The following FAM83B variants were observed in gnomAD, a reference collection of about 807,000 sequenced individuals.
The protein encoded by FAM83B is scaffolding CK1 anchoring protein B.
Under a neutral mutation model 38.8 loss-of-function variants are expected in FAM83B, and 26 were observed. The observed-to-expected ratio is 0.67, with a 90% CI of 0.49 to 0.93. FAM83B has a LOEUF of 0.93. Among genes scored for constraint, FAM83B ranks in the 40% least tolerant of loss-of-function variants. The probability of loss-of-function intolerance (pLI) is 0.00; values close to 1 mark genes in which losing one functional copy is unlikely to be tolerated. For missense variants in FAM83B, 1,237 were observed against 1,197.3 expected (o/e 1.03, Z -0.49); for synonymous variants, 419 against 423.1 (o/e 0.99, Z 0.12).
chr6:54,892,047 T>C (rs1772415070), intron 2 of FAM83B, among the ~76,000 whole-genome samples: 1 of 152,154 alleles, frequency 6.6e-6, no homozygotes, highest in Non-Finnish European at 1.5e-5. Context: ...CATTTGGTAA[T>C]TACTTGCAAC....
intron 4 of FAM83B, among the ~76,000 whole-genome samples, chr6:54,932,092 C>T (rs1407251399): frequency 1.4e-5 from 2 of 144,478 alleles, no homozygotes; most frequent in Non-Finnish European, 3.0e-5. Flanking sequence ...CTCATTGCAA[C>T]CTCCGCCTCC....
At chr6:54,852,159 T>C (rs1260581235) in intron 1 of FAM83B, among the ~76,000 whole-genome samples, 1 of 152,250 alleles carries the variant, frequency 6.6e-6, no homozygotes, top group African/African-American at 2.4e-5. Flanking sequence ...TCTGTACAAG[T>C]AAAATTAGAA....
At chr6:54,931,483 A>ACTTATAATT (rs1773418525) in intron 4 of FAM83B, among the ~76,000 whole-genome samples, 1 of 150,286 alleles carries the variant, frequency 6.7e-6, no homozygotes. Context: ...CTGCACAAAT[A>ACTTATAATT]CTTATAATTG....
At chr6:54,919,755 CT>C (rs1773130062) in intron 2 of FAM83B, among the ~76,000 whole-genome samples, 2 of 151,910 alleles carry the variant, frequency 1.3e-5, no homozygotes, top group South Asian at 4.1e-4. Context: ...CTGTAATACT[CT>C]TTTATGATAG....
At chr6:54,880,055 A>C (rs1772092641) in intron 2 of FAM83B, among the ~76,000 whole-genome samples, 1 of 152,174 alleles carries the variant, frequency 6.6e-6, no homozygotes, top group African/African-American at 2.4e-5. Flanking sequence ...ATTTCTGTAC[A>C]AAAAAAGTTT....
At chr6:54,908,607 G>A (rs183333608) in intron 2 of FAM83B, among the ~76,000 whole-genome samples, 1 of 152,226 alleles carries the variant, frequency 6.6e-6, no homozygotes, top group African/African-American at 2.4e-5. Flanking sequence ...TTAAGATTCT[G>A]TCCTAGACTT....
chr6:54,940,889 A>AT lies in FAM83B; in HGVS notation c.1918_1919insT (p.Lys640IlefsTer7). 1 of 1,613,906 alleles carries AT rather than the reference A, an allele frequency of 6.2e-7. No homozygotes were observed. The highest frequency in any genetic ancestry group is 8.5e-7 in the Non-Finnish European group (1 of 1,179,906). On this transcript the variant is annotated frameshift_variant, in exon 5 of 5. Coordinates refer to ENST00000306858, the MANE Select transcript of FAM83B (RefSeq NM_001010872.3). LOFTEE classifies it high-confidence loss of function. Reference sequence around the variant, plus strand: ...TACTGAATCAAATAACTATATATATAAAACCTTGGGTGTAAATAAGCAGAC... The same window carrying AT: ...TACTGAATCAAATAACTATATATATATAAACCTTGGGTGTAAATAAGCAGAC...
intron 1 of FAM83B, among the ~76,000 whole-genome samples, chr6:54,847,992 C>T (rs1218502106): frequency 2.0e-5 from 3 of 151,982 alleles, no homozygotes; most frequent in Non-Finnish European, 4.4e-5. Context: ...AGTGCAAGAG[C>T]CCCGAGGAAA....
At chr6:54,874,575 A>C (rs1459502415) in intron 2 of FAM83B, among the ~76,000 whole-genome samples, 1 of 152,146 alleles carries the variant, frequency 6.6e-6, no homozygotes. Context: ...TCTTATGAAA[A>C]CATCCCCTCT....
intron 2 of FAM83B, among the ~76,000 whole-genome samples, chr6:54,905,345 C>T (rs1772754641): frequency 6.6e-6 from 1 of 152,060 alleles, no homozygotes; most frequent in Non-Finnish European, 1.5e-5. Context: ...GCTGAAAGGA[C>T]TAAATTATGA....
rs531261905 is a variant in FAM83B at position 54,881,776 on chromosome 6, T to G, written c.444+11086T>G. Among the ~76,000 whole-genome samples, 266 of 152,302 alleles carry G rather than the reference T, an allele frequency of 1.7e-3. 3 individuals carry two copies. Among genetic ancestry groups the G allele is most frequent in the Non-Finnish European group, 1.1e-3 (74 of 68,024 alleles). On this transcript the variant is annotated intron_variant, in intron 2 of 4. Transcript: ENST00000306858. ...ATTCTTTTTTATTTATTTATTTTTATTATTTTACTTTAAGTTCTAGGGACT... is the reference window on the plus strand; with the variant it reads ...ATTCTTTTTTATTTATTTATTTTTAGTATTTTACTTTAAGTTCTAGGGACT...
intron 2 of FAM83B, among the ~76,000 whole-genome samples, chr6:54,875,740 T>G (rs1296639691): frequency 1.0e-5 from 1 of 97,400 alleles, no homozygotes; most frequent in Admixed American, 9.3e-5. Flanking sequence ...AGAGGGAAGG[T>G]GGAAGAAAGG....
chr6:54,900,915 C>T (rs145785594), intron 2 of FAM83B, among the ~76,000 whole-genome samples: 345 of 152,240 alleles, frequency 2.3e-3, no homozygotes, highest in Non-Finnish European at 3.2e-3. Context: ...ACAGCAGGCA[C>T]GCGTGGGCTC....
Position 54,941,946 on chromosome 6 carries a change from A to T in FAM83B, c.2975A>T (p.Asn992Ile). The T allele has an allele frequency of 6.2e-7, 1 of 1,612,498 alleles. No homozygotes were observed. Among genetic ancestry groups the T allele is most frequent in the Non-Finnish European group, 8.5e-7 (1 of 1,179,480 alleles). ...GGTGTTTATCGCTCATATCAACCCA[A>T]TGAGAACAAGTTTCGAGGATTTATG... ...NTGVYRSYQP[N>I]ENKFRGFMQK... The change falls in exon 5 of 5, where the codon AAT becomes ATT. Residue 992 changes from asparagine to isoleucine, a missense_variant. Asn to Ile is a moderately radical substitution (Grantham distance 149, BLOSUM62 -3). Transcript: ENST00000306858.
intron 1 of FAM83B, among the ~76,000 whole-genome samples, chr6:54,868,261 C>A (rs1376623831): frequency 5.3e-5 from 8 of 152,082 alleles, no homozygotes; most frequent in Admixed American, 5.2e-4. Flanking sequence ...ATGGCTGTCT[C>A]ATGCATTGTA....
At chr6:54,936,432 C>A (rs1773526582) in intron 4 of FAM83B, among the ~76,000 whole-genome samples, 1 of 151,928 alleles carries the variant, frequency 6.6e-6, no homozygotes, top group Non-Finnish European at 1.5e-5. Context: ...TTTGGTTGGG[C>A]TCTTACTTTT....
intron 2 of FAM83B, among the ~76,000 whole-genome samples, chr6:54,877,728 G>A (rs1222964175): frequency 2.6e-5 from 4 of 152,300 alleles, no homozygotes; most frequent in African/African-American, 4.8e-5. Context: ...TGTGAAGTGT[G>A]TCCTTTTATC....
chr6:54,906,454 G>T (rs981487226), intron 2 of FAM83B, among the ~76,000 whole-genome samples: 1 of 151,916 alleles, frequency 6.6e-6, no homozygotes, highest in Non-Finnish European at 1.5e-5. Flanking sequence ...GCATGAGCTC[G>T]GCTCACTGCA....
intron 2 of FAM83B, among the ~76,000 whole-genome samples, chr6:54,881,856 T>A (rs909684440): frequency 2.6e-5 from 4 of 152,246 alleles, no homozygotes; most frequent in Admixed American, 1.3e-4. Context: ...GTTGGTGTGC[T>A]GCACCCGTTA....
Sources: gnomAD v4.1 joint callset for allele counts (sites outside exome capture counted in the v4.1 genomes callset) on GRCh38, gnomAD v4.1.1 for gene constraint, MANE v1.5 for transcripts, NCBI Gene and HGNC (gene_info 2026-07-23, HGNC 2026-07-21) for gene names.